NOA1: variants seen among roughly 807,000 people sequenced by gnomAD.
NOA1 encodes nitric oxide associated 1.
Under a neutral mutation model 58.4 loss-of-function variants are expected in NOA1, and 35 were observed. The ratio of observed to expected loss-of-function variants is 0.60; its 90% CI spans 0.46 to 0.79. NOA1 has a LOEUF of 0.79. Among genes scored for constraint, NOA1 ranks in the 30% least tolerant of loss-of-function variants. The pLI is 0.00. For missense variants in NOA1, 895 were observed against 894.6 expected, an observed-to-expected ratio of 1.00 and a Z score of -0.01; for synonymous variants, 397 against 373.4, an observed-to-expected ratio of 1.06 and a Z score of -0.73.
intron 1 of NOA1, 47 bp downstream of exon 1, chr4:56,976,395 C>A: frequency 6.5e-7 from 1 of 1,542,110 alleles, no homozygotes; most frequent in South Asian, 1.2e-5. Context: ...CAGGACCAGA[C>A]GTCCACCTTG....
Position 56,976,889 on chromosome 4 carries a change from C to A in NOA1, c.697G>T (p.Asp233Tyr). The A allele has an allele frequency of 6.2e-7, 1 of 1,612,926 alleles. No homozygotes were observed. The highest frequency in any genetic ancestry group is 8.5e-7 in the Non-Finnish European group (1 of 1,179,828). ...TTGGGGCCCACCAGCGCGGGCAAGT[C>A]GGGCAGCAGGGCGTCGGGCAGGTCC... ...LLDLPDALLP[D>Y]LPALVGPKQL... The change falls in exon 1 of 7, where the codon GAC becomes TAC. Residue 233 changes from aspartate (D) to tyrosine (Y), a missense_variant. By Grantham distance (160) the Asp-to-Tyr change is radical. Around this residue, in one of 3 missense-constraint regions of NOA1, gnomAD observed 680 missense variants for 656.5 expected, o/e 1.04. Transcript: ENST00000264230.
Position 56,977,493 on chromosome 4 carries a change from G to C in NOA1, c.93C>G (p.Leu31=). Residue 31 remains leucine (L), a synonymous_variant, in exon 1 of 7, where the codon CTC becomes CTG. Transcript: ENST00000264230. ...TAARHGLREP[L]LERRCAAASS... is the part of the protein sequence containing the mutation. ...AGGCGGCAGCGCACCTCCTCTCCAGGAGCGGCTCCCGGAGGCCATGGCGCG... is the reference window on the plus strand; with the variant it reads ...AGGCGGCAGCGCACCTCCTCTCCAGCAGCGGCTCCCGGAGGCCATGGCGCG... 6.2e-7 allele frequency: 1 copy of C among 1,613,790 alleles called. No homozygotes were observed. The highest frequency in any genetic ancestry group is 8.5e-7 in the Non-Finnish European group (1 of 1,180,016).
chr4:56,967,225 C>CA (rs1183078429), intron 4 of NOA1, among the ~76,000 whole-genome samples: 1 of 151,624 alleles, frequency 6.6e-6, no homozygotes, highest in Non-Finnish European at 1.5e-5. Flanking sequence ...ATAAAAAATA[C>CA]AAAAATTAGC....
rs993540221 is a variant in NOA1, at chr4:56,973,175, G to A, written c.1488C>T (p.Asp496=). 2.5e-6 allele frequency: 4 copies of A among 1,613,960 alleles called. No homozygotes were observed. The African/African-American group carries it at 4.0e-5, about 16-fold the overall frequency. Residue 496 remains aspartate (D), a synonymous_variant, in exon 3 of 7, where the codon GAC becomes GAT. Coordinates refer to ENST00000264230, the MANE Select transcript of NOA1 (RefSeq NM_032313.4). The part of the protein sequence containing the change: ...QDVKDAHWFY[D]TPGITKENCI... The stretch of plus-strand genomic sequence containing the variant: ...AATTTTCTTTTGTAATTCCAGGGGT[G>A]TCATAAAACCAGTGGGCATCTTTCA...
chr4:56,966,816 AAAC>A, intron 4 of NOA1, 80 bp from the exon 5 acceptor site: 2 of 902,552 alleles, frequency 2.2e-6, no homozygotes, highest in Non-Finnish European at 3.6e-6. Flanking sequence ...ACTAAAAAAA[AAAC>A]AAACCAAAAA....
In NOA1 at chr4:56,965,651, G is replaced by T. The variant is rs1164299728; in HGVS notation, c.1764+969C>A. 4.0e-5 allele frequency among the ~76,000 whole-genome samples: 6 copies of T among 150,916 alleles called. No individual in the cohort carries two copies. In the East Asian group the frequency reaches 9.8e-4, roughly 25 times the overall value. ...AGGTACAGATAAAAACTGGAAAAAG[G>T]ATGATGAGTTCGGGGAACTATAGCT... On this transcript the variant is annotated intron_variant, in intron 5 of 6. Transcript: ENST00000264230.
intron 2 of NOA1, 137 bp from the exon 3 acceptor site, chr4:56,973,490 T>C: frequency 7.8e-6 from 6 of 768,458 alleles, no homozygotes; most frequent in Non-Finnish European, 1.3e-5. Context: ...TTTTGCTTTT[T>C]TTTTTTTCCA....
At chr4:56,970,415 A>C (rs1056125312) in intron 3 of NOA1, among the ~76,000 whole-genome samples, 2 of 151,276 alleles carry the variant, frequency 1.3e-5, no homozygotes, top group Middle Eastern at 3.4e-3. Flanking sequence ...AAGTTACTTG[A>C]TCACGCCACT....
Position 56,968,440 on chromosome 4 carries a change from G to A in NOA1, c.1591C>T (p.Leu531Phe), listed in dbSNP as rs1294727242. 6.2e-7 allele frequency: 1 copy of A among 1,613,078 alleles called. No homozygotes were observed. Among genetic ancestry groups the A allele is most frequent in the Admixed American group, 1.7e-5 (1 of 59,818 alleles). ...TQSIVPRTFV[L>F]KPGMVLFLGA... Reference sequence around the variant, plus strand: ...AAAAACAGAACCATTCCTGGTTTAAGCACAAAAGTTCTTGGAACAATGGAC... The same window carrying A: ...AAAAACAGAACCATTCCTGGTTTAAACACAAAAGTTCTTGGAACAATGGAC... The change falls in exon 4 of 7, where the codon CTT becomes TTT. Residue 531 changes from leucine to phenylalanine, a missense_variant. Around this residue, in one of 3 missense-constraint regions of NOA1, gnomAD observed 212 missense variants for 221.3 expected, o/e 0.96. Transcript: ENST00000264230.
intron 4 of NOA1, 114 bp from the exon 5 acceptor site, chr4:56,966,850 C>T: frequency 1.4e-6 from 1 of 699,018 alleles, no homozygotes; most frequent in Non-Finnish European, 2.5e-6. Flanking sequence ...AATCAGACTC[C>T]CTTTATAAGT....
rs1721641337 is a variant in NOA1 at position 56,963,389 on chromosome 4, C to G, written c.*61G>C. ...TTATTTATGCGTTATATGTTTAATA[C>G]AAATTCAATGTATTTTGTTGTGTTC... On this transcript the variant is annotated 3_prime_UTR_variant, in exon 7 of 7. Transcript: ENST00000264230. 7.5e-7 allele frequency: 1 copy of G among 1,325,548 alleles called. No individual in the cohort carries two copies. The highest frequency in any genetic ancestry group is 1.5e-5 in the African/African-American group (1 of 68,542). 82.1% of individuals were successfully genotyped at this position (1,325,548 alleles called of 1,614,324 possible).
chr4:56,973,601 G>A (rs1054123995), intron 2 of NOA1, among the ~76,000 whole-genome samples: 4 of 151,970 alleles, frequency 2.6e-5, no homozygotes, highest in Non-Finnish European at 5.9e-5. Flanking sequence ...CTGTTTTAAA[G>A]AAAGGCTGAA....
At chr4:56,972,045 C>A (rs1721820552) in intron 3 of NOA1, among the ~76,000 whole-genome samples, 1 of 152,184 alleles carries the variant, frequency 6.6e-6, no homozygotes, top group Non-Finnish European at 1.5e-5. Context: ...CCCACTACCT[C>A]CTGGCTAATT....
chr4:56,973,618 T>C (rs28513775), intron 2 of NOA1, among the ~76,000 whole-genome samples: 2,325 of 151,968 alleles, frequency 0.015, 55 homozygotes, highest in African/African-American at 0.054. Flanking sequence ...TGAAAAGATA[T>C]ACCAAGGAAA....
intron 3 of NOA1, among the ~76,000 whole-genome samples, chr4:56,972,928 G>C (rs1247680133): frequency 1.3e-5 from 2 of 152,092 alleles, no homozygotes; most frequent in Non-Finnish European, 2.9e-5. Flanking sequence ...TGCCAATTAA[G>C]ACAGCAGTAC....
At chr4:56,968,240 A>C (rs1441862877) in intron 4 of NOA1, 144 bp downstream of exon 4, 1 of 897,282 alleles carries the variant, frequency 1.1e-6, no homozygotes, top group African/African-American at 1.7e-5. Context: ...TTATTACAGA[A>C]ATTTTTAAAC....
intron 3 of NOA1, among the ~76,000 whole-genome samples, chr4:56,970,528 C>T (rs997379595): frequency 6.6e-6 from 1 of 151,570 alleles, no homozygotes; most frequent in Non-Finnish European, 1.5e-5. Context: ...GATCTCGGCT[C>T]ACTGCAACCT....
chr4:56,977,509 C>T lies in NOA1; in HGVS notation c.77G>A (p.Gly26Asp). 1 of 1,613,414 alleles carries T rather than the reference C, an allele frequency of 6.2e-7. No individual in the cohort carries two copies. The highest frequency in any genetic ancestry group is 8.5e-7 in the Non-Finnish European group (1 of 1,179,876). Residue 26 changes from glycine (G) to aspartate (D), a missense_variant, in exon 1 of 7, where the codon GGC becomes GAC. Physicochemically the swap from Gly to Asp is moderately conservative, Grantham distance 94. Around this residue, in one of 3 missense-constraint regions of NOA1, gnomAD observed 680 missense variants for 656.5 expected, o/e 1.04. Coordinates refer to ENST00000264230, the MANE Select transcript of NOA1 (RefSeq NM_032313.4). ...RGSAPTAARH[G>D]LREPLLERRC... is the part of the protein sequence containing the mutation. The stretch of plus-strand genomic sequence containing the variant: ...CCTCTCCAGGAGCGGCTCCCGGAGG[C>T]CATGGCGCGCTGCCGTGGGAGCGGA...
intron 1 of NOA1, among the ~76,000 whole-genome samples, chr4:56,974,657 A>G (rs1314610703): frequency 6.6e-6 from 1 of 151,958 alleles, no homozygotes; most frequent in Non-Finnish European, 1.5e-5. Flanking sequence ...GTCTCAAAAA[A>G]AAAAAAAAAA....
Sources: gnomAD v4.1 joint callset for allele counts (sites outside exome capture counted in the v4.1 genomes callset) on GRCh38, gnomAD v4.1.1 for gene constraint, gnomAD v4.1.1 regional missense constraint, MANE v1.5 for transcripts, NCBI Gene and HGNC (gene_info 2026-07-23, HGNC 2026-07-21) for gene names.